Variants in REG4 observed in about 807,000 individuals in gnomAD.
The protein encoded by REG4 is regenerating islet-derived protein 4.
Under a neutral mutation model 22.3 loss-of-function variants are expected in REG4, and 16 were observed. The ratio of observed to expected loss-of-function variants is 0.72; its 90% CI spans 0.49 to 1.09. The LOEUF (loss-of-function observed/expected upper bound fraction) is 1.09, where lower values mean the gene tolerates loss of function less well. Among genes scored for constraint, REG4 ranks in the 50% least tolerant of loss-of-function variants. REG4 has a pLI of 0.00. For synonymous variants in REG4, 71 were observed against 69.2 expected (o/e 1.03, Z -0.13); for missense variants, 214 against 193.9 (o/e 1.10, Z -0.61).
rs761708724 is a variant in REG4, at chr1:119,803,123, T to A, written c.110A>T (p.His37Leu). 1 of 1,537,802 alleles carries A rather than the reference T, an allele frequency of 6.5e-7. No homozygotes were observed. The highest frequency in any genetic ancestry group is 2.3e-5 in the East Asian group (1 of 44,164). ...GAAGTAACCATAGCAATTGGACTTG[T>A]GGTAAAACCATCCAGGAGCACAGCT... ...RPSCAPGWFYHKSNCYGYFRK... is the reference protein window; with the variant it reads ...RPSCAPGWFYLKSNCYGYFRK... Residue 37 changes from histidine to leucine, a missense_variant, in exon 3 of 6, where the codon CAC (histidine) becomes CTC (leucine). His to Leu is a moderately conservative substitution (Grantham distance 99, BLOSUM62 -3). Transcript: ENST00000256585.
At chr1:119,800,728 G>A (rs1654074448) in intron 3 of REG4, among the ~76,000 whole-genome samples, 1 of 152,186 alleles carries the variant, frequency 6.6e-6, no homozygotes, top group Non-Finnish European at 1.5e-5. Flanking sequence ...GCCTAAACAT[G>A]TGAGGTGATC....
In REG4 at chr1:119,800,764, C is replaced by T. The variant is rs142392033; in HGVS notation, c.166-902G>A. 7.7e-4 allele frequency among the ~76,000 whole-genome samples: 118 copies of T among 152,260 alleles called. 1 individual carries two copies. Among genetic ancestry groups the T allele is most frequent in the African/African-American group, 2.7e-3 (111 of 41,556 alleles). ...CTCCAGAGGAGAGGAGACTGCTCCC[C>T]GTGCTGGTGTAGAATTCCTGCTGAT... On this transcript the variant is annotated intron_variant, in intron 3 of 5. Coordinates refer to ENST00000256585, the MANE Select transcript of REG4 (RefSeq NM_032044.4).
intron 4 of REG4, 24 bp downstream of exon 4, chr1:119,799,701 C>T (rs753162163): frequency 6.2e-7 from 1 of 1,607,422 alleles, no homozygotes; most frequent in Non-Finnish European, 8.5e-7. Context: ...CCAAGAGGGC[C>T]TTTGTGGCCA....
At position 119,798,502 on chromosome 1, in the gene REG4, T is replaced by C. The variant is rs1397710632; in HGVS notation, c.404A>G (p.Asn135Ser). 1 of 1,613,114 alleles carries C rather than the reference T, an allele frequency of 6.2e-7. No individual in the cohort carries two copies. The highest frequency in any genetic ancestry group is 8.5e-7 in the Non-Finnish European group (1 of 1,179,076). Residue 135 changes from asparagine (N) to serine (S), a missense_variant, in exon 5 of 6, where the codon AAT (asparagine) becomes AGT (serine). By Grantham distance (46) the Asn-to-Ser change is conservative. Coordinates refer to ENST00000256585, the MANE Select transcript of REG4 (RefSeq NM_032044.4). ...GNKHCAEMSSNNNFLTWSSNE... is the reference protein window; with the variant it reads ...GNKHCAEMSSSNNFLTWSSNE... ...GGTGGTGCATTATAACTTACTGTTATTGGAGCTCATCTCAGCACAGTGCTT... is the reference window on the plus strand; with the variant it reads ...GGTGGTGCATTATAACTTACTGTTACTGGAGCTCATCTCAGCACAGTGCTT...
chr1:119,806,250 C>T (rs957694618), intron 2 of REG4, among the ~76,000 whole-genome samples: 2 of 152,128 alleles, frequency 1.3e-5, no homozygotes, highest in African/African-American at 4.8e-5. Flanking sequence ...CTTTACTCCA[C>T]ACATTTATTG....
At chr1:119,796,554 C>T (rs1653943233) in intron 5 of REG4, among the ~76,000 whole-genome samples, 2 of 151,708 alleles carry the variant, frequency 1.3e-5, no homozygotes, top group African/African-American at 4.9e-5. Flanking sequence ...CATTAATATA[C>T]ATTTTGAATT....
intron 4 of REG4, among the ~76,000 whole-genome samples, chr1:119,799,116 G>T (rs929105083): frequency 6.6e-6 from 1 of 152,020 alleles, no homozygotes; most frequent in Admixed American, 6.5e-5. Context: ...GGGGCTTCCC[G>T]CTTTATGTTC....
At chr1:119,802,848 G>A in intron 3 of REG4, 1 of 1,541,442 alleles carries the variant, frequency 6.5e-7, no homozygotes, top group Non-Finnish European at 8.8e-7. Context: ...GTATGTGCTT[G>A]TAGCCCATCT....
In REG4 at chr1:119,808,725, C is replaced by A; in HGVS notation, c.45G>T (p.Leu15=). Residue 15 remains leucine (L), a synonymous_variant, in exon 2 of 6, where the codon CTG becomes CTT. Transcript: ENST00000256585. The part of the protein sequence containing the change: ...SMRLLLLLSC[L]AKTGVLGDII... ...CACCACCCAGGACTCCTGTTTTGGC[C>A]AGGCAGCTCAGCAATAGGAGCAGCC... The A allele has an allele frequency of 6.2e-7, 1 of 1,614,002 alleles. No homozygotes were observed.
chr1:119,794,643 T>C lies in REG4; in HGVS notation c.452A>G (p.His151Arg). The change falls in exon 6 of 6, where the codon CAC (histidine) becomes CGC (arginine). Residue 151 changes from histidine to arginine, a missense_variant. His to Arg is a conservative substitution (Grantham distance 29). Coordinates refer to ENST00000256585, the MANE Select transcript of REG4 (RefSeq NM_032044.4). ...CTATGGTCGGTACTTGCACAGGAAG[T>C]GTTGGCGCTTGTTGCATTCGTTGCT... ...WSSNECNKRQ[H>R]FLCKYRP 2.5e-6 allele frequency: 4 copies of C among 1,614,160 alleles called. No homozygotes were observed. The highest frequency in any genetic ancestry group is 3.4e-6 in the Non-Finnish European group (4 of 1,180,024).
At chr1:119,807,511 C>T (rs1445038047) in intron 2 of REG4, among the ~76,000 whole-genome samples, 1 of 152,170 alleles carries the variant, frequency 6.6e-6, no homozygotes, top group African/African-American at 2.4e-5. Context: ...TCAAGTTTCA[C>T]TAAGTAGGTC....
rs1653852946 is a variant in REG4, at chr1:119,794,033, G to A, written c.*585C>T. 1 of 498,044 alleles carries A rather than the reference G, an allele frequency of 2.0e-6. No individual in the cohort carries two copies. Among genetic ancestry groups the A allele is most frequent in the Non-Finnish European group, 4.2e-6 (1 of 239,556 alleles). 30.9% of individuals were successfully genotyped at this position (498,044 alleles called of 1,614,324 possible). ...AAGAAGCACTTGGGTGTATTTCTTG[G>A]TCTTATTTCACTTTTCCACATTCAC... On this transcript the variant is annotated 3_prime_UTR_variant, in exon 6 of 6. Transcript: ENST00000256585.
In REG4 at chr1:119,794,519, G is replaced by T; in HGVS notation, c.*99C>A. ...GTAGGGCCCTTATCACTCTTAGTTT[G>T]CTAGGTTTCCCCTCTGAAATAATGA... On this transcript the variant is annotated 3_prime_UTR_variant, in exon 6 of 6. Transcript: ENST00000256585. 1.8e-6 allele frequency: 2 copies of T among 1,123,546 alleles called. No individual in the cohort carries two copies. The highest frequency in any genetic ancestry group is 1.5e-5 in the African/African-American group (1 of 65,304). The allele number at this position is 1,123,546 out of a possible 1,614,324, so 69.6% of individuals were successfully genotyped here. A position where few individuals can be genotyped will look rare whatever the true frequency, so the allele number is the denominator to read the frequency against.
chr1:119,810,536 T>C (rs1654462900), intron 1 of REG4, among the ~76,000 whole-genome samples: 1 of 152,162 alleles, frequency 6.6e-6, no homozygotes, highest in African/African-American at 2.4e-5. Flanking sequence ...CCCCACCCCT[T>C]ACTTCTTTTT....
In REG4 at chr1:119,808,752, C is replaced by A. The variant is rs1318205029; in HGVS notation, c.18G>T (p.Met6Ile). Reference protein sequence around the residue: MASRSMRLLLLLSCLA... With the variant: MASRSIRLLLLLSCLA... ...GGCAGCTCAGCAATAGGAGCAGCCG[C>A]ATGCTTCTGGAAGCCATCTTCCTCC... The change falls in exon 2 of 6, where the codon ATG becomes ATT. Residue 6 changes from methionine (M) to isoleucine (I), a missense_variant. By Grantham distance (10) the Met-to-Ile change is conservative. Transcript: ENST00000256585. The A allele has an allele frequency of 6.2e-7, 1 of 1,613,742 alleles. No individual in the cohort carries two copies. The highest frequency in any genetic ancestry group is 8.5e-7 in the Non-Finnish European group (1 of 1,179,828).
intron 2 of REG4, among the ~76,000 whole-genome samples, chr1:119,806,561 T>C (rs1377106155): frequency 4.6e-5 from 7 of 152,200 alleles, no homozygotes; most frequent in Non-Finnish European, 1.5e-5. Context: ...CCCTGAGAGA[T>C]AGGTGTGGAT....
At chr1:119,803,913 A>T (rs1159521053) in intron 2 of REG4, among the ~76,000 whole-genome samples, 1 of 152,242 alleles carries the variant, frequency 6.6e-6, no homozygotes, top group East Asian at 1.9e-4. Flanking sequence ...CCTTAAGTAC[A>T]GGGTGTCTGT....
chr1:119,810,043 TTTTTG>T (rs1654451115), intron 1 of REG4, among the ~76,000 whole-genome samples: 1 of 152,178 alleles, frequency 6.6e-6, no homozygotes. Context: ...TGTGAGATCT[TTTTTG>T]TATGTTTATT....
chr1:119,797,829 A>G (rs1400990218), intron 5 of REG4, among the ~76,000 whole-genome samples: 1 of 152,194 alleles, frequency 6.6e-6, no homozygotes, highest in East Asian at 1.9e-4. Flanking sequence ...GAGACCAGGG[A>G]TGCCGCTCAA....
Sources: allele counts gnomAD v4.1 joint callset (sites outside exome capture counted in the v4.1 genomes callset), GRCh38; gene constraint gnomAD v4.1.1; transcripts MANE v1.5; gene names NCBI Gene and HGNC (gene_info 2026-07-23, HGNC 2026-07-21).